EPHB1: variants seen among roughly 807,000 people sequenced by gnomAD.
EPHB1 encodes the protein EPH receptor B1.
In EPHB1, 30 loss-of-function variants were observed where a neutral mutation model predicts 94.4. The ratio of observed to expected loss-of-function variants is 0.32; its 90% CI spans 0.24 to 0.43. EPHB1 has a LOEUF of 0.43. EPHB1 is among the 20% of genes least tolerant of loss of function. The pLI is 1.00. For synonymous variants in EPHB1, 522 were observed against 489.1 expected (o/e 1.07, Z -0.89); for missense variants, 1,055 against 1,308.3 (o/e 0.81, Z 2.99).
intron 12 of EPHB1, among the ~76,000 whole-genome samples, chr3:135,238,139 A>G (rs936580157): frequency 6.6e-6 from 1 of 152,236 alleles, no homozygotes; most frequent in African/African-American, 2.4e-5. Context: ...AACATTGACA[A>G]TGATGTTTGA....
chr3:135,201,485 G>A lies in EPHB1; in HGVS notation c.2142G>A (p.Gly714=), dbSNP rs369829778. The part of the protein sequence containing the change: ...ALDSFLRQND[G]QFTVIQLVGM... ...ATGTCTTATTACAGCAAAATGACGG[G>A]CAGTTCACCGTGATCCAGCTTGTGG... Residue 714 remains glycine, a synonymous_variant, in exon 12 of 16, where the codon GGG becomes GGA. Transcript: ENST00000398015. 22 of 1,613,978 alleles carry A rather than the reference G, an allele frequency of 1.4e-5. No individual in the cohort carries two copies. Among genetic ancestry groups the A allele is most frequent in the Non-Finnish European group, 1.7e-5 (20 of 1,179,992 alleles).
intron 3 of EPHB1, among the ~76,000 whole-genome samples, chr3:135,008,050 G>A (rs1014781098): frequency 2.6e-5 from 4 of 152,156 alleles, no homozygotes; most frequent in African/African-American, 9.7e-5. Context: ...GAGATTGTGG[G>A]AGGAGGCAGG....
chr3:135,166,129 T>C (rs1941645688), intron 8 of EPHB1, 53 bp downstream of exon 8: 1 of 1,401,974 alleles, frequency 7.1e-7, no homozygotes, highest in East Asian at 2.3e-5. Flanking sequence ...CCCCTCTCCA[T>C]GTGCCGTTTC....
chr3:134,807,324 A>G (rs772777653), intron 1 of EPHB1, among the ~76,000 whole-genome samples: 1 of 152,214 alleles, frequency 6.6e-6, no homozygotes, highest in Non-Finnish European at 1.5e-5. Flanking sequence ...ACTTTCCTTC[A>G]GGGAGCTCAC....
intron 3 of EPHB1, among the ~76,000 whole-genome samples, chr3:135,090,667 G>A (rs1938521286): frequency 6.6e-6 from 1 of 152,112 alleles, no homozygotes. Context: ...TAAATAATCT[G>A]CTTAGGGAGG....
chr3:135,242,459 G>A (rs186050125), intron 13 of EPHB1, among the ~76,000 whole-genome samples: 7 of 152,226 alleles, frequency 4.6e-5, no homozygotes, highest in East Asian at 1.9e-4. Context: ...GCAGCTGCTC[G>A]GAAGATTGAG....
chr3:134,830,483 A>C (rs1319087049), intron 1 of EPHB1, among the ~76,000 whole-genome samples: 1 of 152,080 alleles, frequency 6.6e-6, no homozygotes, highest in African/African-American at 2.4e-5. Flanking sequence ...TGTCCTGAGG[A>C]TGGTGGGGGA....
chr3:135,177,317 G>A (rs1451045134), intron 9 of EPHB1, among the ~76,000 whole-genome samples: 4 of 152,150 alleles, frequency 2.6e-5, no homozygotes, highest in Non-Finnish European at 4.4e-5. Flanking sequence ...GCTTGTTAAC[G>A]CTGACCTGCT....
intron 5 of EPHB1, among the ~76,000 whole-genome samples, chr3:135,136,703 A>G (rs1349359250): frequency 6.6e-6 from 1 of 152,194 alleles, no homozygotes; most frequent in Non-Finnish European, 1.5e-5. Flanking sequence ...ATCACATTAT[A>G]GTGGACTGTG....
At chr3:135,075,951 G>A (rs2107784340) in intron 3 of EPHB1, among the ~76,000 whole-genome samples, 1 of 152,230 alleles carries the variant, frequency 6.6e-6, no homozygotes, top group Non-Finnish European at 1.5e-5. Context: ...TCAGTGGTTG[G>A]AAACCATCCC....
intron 2 of EPHB1, among the ~76,000 whole-genome samples, chr3:134,936,244 A>C (rs2038998319): frequency 6.6e-6 from 1 of 152,176 alleles, no homozygotes; most frequent in African/African-American, 2.4e-5. Flanking sequence ...GCACCTGATA[A>C]ATCATTGTTT....
chr3:135,153,706 G>T (rs1039543141), intron 5 of EPHB1, among the ~76,000 whole-genome samples: 3 of 152,180 alleles, frequency 2.0e-5, no homozygotes, highest in African/African-American at 7.2e-5. Flanking sequence ...TATACCAACT[G>T]GTTCTACTCT....
chr3:135,044,679 A>G (rs1160639622), intron 3 of EPHB1, among the ~76,000 whole-genome samples: 1 of 152,210 alleles, frequency 6.6e-6, no homozygotes, highest in African/African-American at 2.4e-5. Context: ...GTCTCAGCAC[A>G]ATGTCTATTC....
intron 2 of EPHB1, among the ~76,000 whole-genome samples, chr3:134,931,493 CA>C (rs1460792376): frequency 6.6e-6 from 1 of 152,150 alleles, no homozygotes; most frequent in Non-Finnish European, 1.5e-5. Flanking sequence ...TTCTTACTTT[CA>C]AAAAAGTGCT....
chr3:134,921,293 C>A (rs548739020), intron 1 of EPHB1, among the ~76,000 whole-genome samples: 1 of 152,264 alleles, frequency 6.6e-6, no homozygotes, highest in South Asian at 2.1e-4. Flanking sequence ...GGAGATACTC[C>A]ATTCTTCCCT....
At chr3:134,936,450 C>G (rs954366536) in intron 2 of EPHB1, among the ~76,000 whole-genome samples, 7 of 152,116 alleles carry the variant, frequency 4.6e-5, no homozygotes, top group African/African-American at 1.7e-4. Flanking sequence ...CTTCCCACCC[C>G]CTAGGTCCTG....
intron 3 of EPHB1, among the ~76,000 whole-genome samples, chr3:135,000,850 G>T (rs1267549215): frequency 6.6e-6 from 1 of 152,114 alleles, no homozygotes; most frequent in Non-Finnish European, 1.5e-5. Flanking sequence ...TGGTCCTATG[G>T]TGAAGCTATT....
intron 12 of EPHB1, among the ~76,000 whole-genome samples, chr3:135,227,921 A>G (rs1943438727): frequency 6.6e-6 from 1 of 152,082 alleles, no homozygotes; most frequent in African/African-American, 2.4e-5. Flanking sequence ...GAACTCTTGG[A>G]AGATACGTTA....
intron 1 of EPHB1, among the ~76,000 whole-genome samples, chr3:134,830,734 C>T (rs1305985738): frequency 1.3e-5 from 2 of 152,184 alleles, no homozygotes; most frequent in African/African-American, 2.4e-5. Context: ...CAAGGGTTCC[C>T]TTCTGGCCTG....
Sources: gnomAD v4.1 joint callset for allele counts (sites outside exome capture counted in the v4.1 genomes callset) on GRCh38, gnomAD v4.1.1 for gene constraint, MANE v1.5 for transcripts, NCBI Gene and HGNC (gene_info 2026-07-23, HGNC 2026-07-21) for gene names.